The following BNC2 variants were observed in gnomAD, a reference collection of about 807,000 sequenced individuals.
The protein encoded by BNC2 is zinc finger protein basonuclin-2.
In BNC2, 20 loss-of-function variants were observed where a neutral mutation model predicts 76.3. The ratio of observed to expected loss-of-function variants is 0.26; its 90% confidence interval spans 0.18 to 0.38. The LOEUF (loss-of-function observed/expected upper bound fraction) is 0.38, where lower values mean the gene tolerates loss of function less well. Among genes scored for constraint, BNC2 ranks in the 10% least tolerant of loss-of-function variants. BNC2 has a pLI of 1.00. For synonymous variants in BNC2, 582 were observed against 514.8 expected, an observed-to-expected ratio of 1.13 and a Z score of -1.77; for missense variants, 1,382 against 1,399.8, an observed-to-expected ratio of 0.99 and a Z score of 0.20.
At chr9:16,794,232 G>C (rs796104442) in intron 1 of BNC2, among the ~76,000 whole-genome samples, 1 of 151,982 alleles carries the variant, frequency 6.6e-6, no homozygotes. Context: ...TATTCCAGAT[G>C]GGAAACTCTC....
intron 1 of BNC2, among the ~76,000 whole-genome samples, chr9:16,768,540 CAT>C (rs1408970119): frequency 2.6e-5 from 4 of 151,972 alleles, no homozygotes; most frequent in South Asian, 4.2e-4. Flanking sequence ...ACCAAATGCA[CAT>C]GTTAGTAGAA....
At chr9:16,666,632 C>T (rs1414114619) in intron 3 of BNC2, among the ~76,000 whole-genome samples, 1 of 152,234 alleles carries the variant, frequency 6.6e-6, no homozygotes, top group Non-Finnish European at 1.5e-5. Context: ...CTGAGACTCA[C>T]TGGGTGATTC....
intron 3 of BNC2, among the ~76,000 whole-genome samples, chr9:16,703,926 T>G (rs957610923): frequency 6.6e-6 from 1 of 152,134 alleles, no homozygotes; most frequent in Admixed American, 6.5e-5. Flanking sequence ...CAAGTATATA[T>G]GTATTATTAA....
chr9:16,538,659 T>C (rs1818202760), intron 5 of BNC2, among the ~76,000 whole-genome samples: 1 of 152,208 alleles, frequency 6.6e-6, no homozygotes, highest in Non-Finnish European at 1.5e-5. Flanking sequence ...GGGTTTTCCA[T>C]AATGGACAGC....
intron 4 of BNC2, among the ~76,000 whole-genome samples, chr9:16,553,225 C>T (rs1008049417): frequency 3.9e-5 from 6 of 152,162 alleles, no homozygotes; most frequent in Non-Finnish European, 8.8e-5. Flanking sequence ...ATAAGATTCA[C>T]CCCTTATAAT....
In BNC2 at chr9:16,811,740, G is replaced by A. The variant is rs914959420; in HGVS notation, c.3+58906C>T. ...ATGCATGTGGAGGCACTCCAAAAAC[G>A]CATTTGCCAAGACAACACTAGTGTT... On this transcript the variant is annotated intron_variant, in intron 1 of 6. Transcript: ENST00000380672. 3.9e-5 allele frequency among the ~76,000 whole-genome samples: 6 copies of A among 152,068 alleles called. No individual in the cohort carries two copies. In the East Asian group the frequency reaches 7.7e-4, roughly 20 times the overall value.
chr9:16,575,085 A>G (rs1038114507), intron 4 of BNC2, among the ~76,000 whole-genome samples: 4 of 152,238 alleles, frequency 2.6e-5, no homozygotes, highest in Non-Finnish European at 5.9e-5. Flanking sequence ...TATCTCATTT[A>G]ATCTTAGAAG....
chr9:16,855,328 T>C (rs1295910005), intron 1 of BNC2, among the ~76,000 whole-genome samples: 1 of 152,220 alleles, frequency 6.6e-6, no homozygotes, highest in Non-Finnish European at 1.5e-5. Context: ...TTTTGTGCTC[T>C]CTCTTAGGAT....
intron 1 of BNC2, among the ~76,000 whole-genome samples, chr9:16,769,139 C>T (rs1440152215): frequency 2.0e-5 from 3 of 152,182 alleles, no homozygotes; most frequent in African/African-American, 7.2e-5. Context: ...GCAGCTTAAA[C>T]TTGAAGTCAA....
intron 4 of BNC2, among the ~76,000 whole-genome samples, chr9:16,562,509 T>A (rs1819045704): frequency 6.6e-6 from 1 of 152,218 alleles, no homozygotes. Flanking sequence ...AGTAAGGTAG[T>A]TACAGCCTAC....
chr9:16,734,596 C>G (rs1034718293), intron 2 of BNC2, among the ~76,000 whole-genome samples: 1 of 152,210 alleles, frequency 6.6e-6, no homozygotes, highest in African/African-American at 2.4e-5. Flanking sequence ...GGGGCAAGAT[C>G]ATGGTCCAAG....
chr9:16,654,382 G>T (rs556521244), intron 3 of BNC2, among the ~76,000 whole-genome samples: 1 of 152,244 alleles, frequency 6.6e-6, no homozygotes, highest in East Asian at 1.9e-4. Flanking sequence ...ATGTACGTAA[G>T]TTGTGCTAAT....
intron 3 of BNC2, chr9:16,685,573 T>A (rs764248520): frequency 7.7e-7 from 1 of 1,304,282 alleles, no homozygotes; most frequent in South Asian, 1.2e-5. Context: ...GTATGGCTCC[T>A]CCAGGTTTGG....
intron 3 of BNC2, among the ~76,000 whole-genome samples, chr9:16,709,916 G>C (rs946347242): frequency 6.6e-5 from 10 of 152,054 alleles, no homozygotes; most frequent in Admixed American, 4.6e-4. Flanking sequence ...AGTGGTTATA[G>C]GTATAAAGGA....
At chr9:16,817,870 T>C (rs1156794331) in intron 1 of BNC2, among the ~76,000 whole-genome samples, 6 of 152,166 alleles carry the variant, frequency 3.9e-5, no homozygotes. Context: ...TTTTATGTTT[T>C]AGGGTCAGGG....
At chr9:16,796,127 T>C (rs554513052) in intron 1 of BNC2, among the ~76,000 whole-genome samples, 2 of 152,186 alleles carry the variant, frequency 1.3e-5, no homozygotes, top group African/African-American at 4.8e-5. Context: ...AGACAGCAGG[T>C]ACATAAAACA....
intron 4 of BNC2, among the ~76,000 whole-genome samples, chr9:16,562,840 T>C (rs1034322689): frequency 1.3e-5 from 2 of 152,168 alleles, no homozygotes; most frequent in African/African-American, 4.8e-5. Flanking sequence ...ATACTTCTCA[T>C]TTCATAAATA....
intron 3 of BNC2, among the ~76,000 whole-genome samples, chr9:16,709,500 C>T (rs1313195616): frequency 2.0e-5 from 3 of 152,048 alleles, no homozygotes; most frequent in African/African-American, 2.4e-5. Context: ...GAGAGTTAAG[C>T]GAATTTTGTT....
In BNC2 at chr9:16,852,406, T is replaced by C. The variant is rs1021419268; in HGVS notation, c.3+18240A>G. On this transcript the variant is annotated intron_variant, in intron 1 of 6. Coordinates refer to ENST00000380672, the MANE Select transcript of BNC2 (RefSeq NM_017637.6). ...AGTTCAGCAGCAGATGCCAAAGAAC[T>C]CTCAATGGTTATAATAAATAAGTTT... is the stretch of plus-strand genomic sequence containing the variant. Among the ~76,000 whole-genome samples, 8 of 152,208 alleles carry C rather than the reference T, an allele frequency of 5.3e-5. No individual in the cohort carries two copies. The South Asian group carries it at 1.7e-3, about 31-fold the overall frequency.
Sources: allele counts gnomAD v4.1 joint callset (sites outside exome capture counted in the v4.1 genomes callset), GRCh38; gene constraint gnomAD v4.1.1; transcripts MANE v1.5; gene names NCBI Gene and HGNC (gene_info 2026-07-23, HGNC 2026-07-21).